DTNA: variants seen among roughly 807,000 people sequenced by gnomAD.
DTNA encodes the protein dystrophin-related protein 3.
In DTNA, 43 loss-of-function variants were observed where a neutral mutation model predicts 100.7. The observed-to-expected ratio is 0.43, with a 90% confidence interval of 0.33 to 0.55. DTNA has a LOEUF of 0.55. Among genes scored for constraint, DTNA ranks in the 20% least tolerant of loss-of-function variants. DTNA has a pLI of 0.04. For missense variants in DTNA, 798 were observed against 953.9 expected (o/e 0.84, Z 2.15); for synonymous variants, 349 against 347.9 (o/e 1.00, Z -0.04).
rs879310304 is a variant in DTNA, at chr18:34,714,266, A to C, written c.-2+3821A>C. ...TTAAACTAAAGAGCTTCTCCACAGC[A>C]AAAGAAACTACCATCAGAGTGAACA... On this transcript the variant is annotated intron_variant, in intron 1 of 22. Coordinates refer to ENST00000444659, the MANE Select transcript of DTNA (RefSeq NM_001386795.1). Among the ~76,000 whole-genome samples, 387 of 149,568 alleles carry C rather than the reference A, an allele frequency of 2.6e-3. 2 individuals carry two copies. Among genetic ancestry groups the C allele is most frequent in the Middle Eastern group, 6.9e-3 (2 of 288 alleles).
At chr18:34,640,075 T>C (rs1192061825) in intron 1 of DTNA, among the ~76,000 whole-genome samples, 2 of 152,248 alleles carry the variant, frequency 1.3e-5, no homozygotes, top group Non-Finnish European at 2.9e-5. Context: ...TTGATGCAAA[T>C]TTCTCCTGAT....
chr18:34,864,168 C>T (rs1388297401), intron 17 of DTNA, 106 bp downstream of exon 17: 1 of 985,434 alleles, frequency 1.0e-6, no homozygotes, highest in Non-Finnish European at 1.5e-6. Context: ...TGTGATTTCC[C>T]TCAACATGTT....
chr18:34,868,896 T>A, intron 17 of DTNA: 2 of 554,996 alleles, frequency 3.6e-6, no homozygotes, highest in Non-Finnish European at 4.6e-6. Context: ...ATAAAACGTT[T>A]AATAATGAAG....
At chr18:34,700,133 T>C (rs2081167542) in intron 1 of DTNA, among the ~76,000 whole-genome samples, 1 of 152,172 alleles carries the variant, frequency 6.6e-6, no homozygotes, top group Non-Finnish European at 1.5e-5. Context: ...CTAATTGGCT[T>C]TCCTTAGGTC....
chr18:34,598,217 C>CTTTTTTTTTTTTTT (rs71159880), intron 1 of DTNA, among the ~76,000 whole-genome samples: 1 of 137,984 alleles, frequency 7.2e-6, no homozygotes. Context: ...TTCTTTCTTT[C>CTTTTTTTTTTTTTT]TTTTTTTTTT....
intron 16 of DTNA, among the ~76,000 whole-genome samples, chr18:34,862,311 G>A (rs1376645337): frequency 1.3e-5 from 2 of 151,598 alleles, no homozygotes; most frequent in African/African-American, 4.8e-5. Flanking sequence ...CAGAAAAGAA[G>A]CAATTTTAAA....
chr18:34,616,361 G>A (rs1267556126), intron 1 of DTNA, among the ~76,000 whole-genome samples: 1 of 152,160 alleles, frequency 6.6e-6, no homozygotes, highest in Non-Finnish European at 1.5e-5. Context: ...TGACAAATGG[G>A]ATGTAGTTAA....
chr18:34,656,875 T>G (rs549481293), intron 1 of DTNA, among the ~76,000 whole-genome samples: 1 of 152,138 alleles, frequency 6.6e-6, no homozygotes, highest in African/African-American at 2.4e-5. Context: ...CATAGCCTTT[T>G]TTTGTTTGTT....
At chr18:34,613,814 G>C (rs2054698655) in intron 1 of DTNA, among the ~76,000 whole-genome samples, 1 of 152,220 alleles carries the variant, frequency 6.6e-6, no homozygotes. Context: ...GAAGTACCAA[G>C]TACTGATGTA....
At chr18:34,784,265 A>G (rs1054785052) in intron 3 of DTNA, among the ~76,000 whole-genome samples, 2 of 152,236 alleles carry the variant, frequency 1.3e-5, no homozygotes, top group Non-Finnish European at 2.9e-5. Flanking sequence ...AATAAAATAT[A>G]AAAACAAAGA....
At chr18:34,699,766 T>C (rs145253949) in intron 1 of DTNA, among the ~76,000 whole-genome samples, 21 of 152,328 alleles carry the variant, frequency 1.4e-4, no homozygotes, top group Admixed American at 2.6e-4. Flanking sequence ...AACTAATAAA[T>C]CTGTTGCATT....
chr18:34,800,908 A>C (rs1026390928), intron 4 of DTNA, among the ~76,000 whole-genome samples: 1 of 152,194 alleles, frequency 6.6e-6, no homozygotes, highest in African/African-American at 2.4e-5. Context: ...CCATATAAAT[A>C]ATATATTCTT....
At chr18:34,592,801 T>G (rs1002324522) in intron 1 of DTNA, among the ~76,000 whole-genome samples, 1 of 152,192 alleles carries the variant, frequency 6.6e-6, no homozygotes, top group Non-Finnish European at 1.5e-5. Flanking sequence ...CTACAGCCAT[T>G]GCCATCCTCT....
intron 1 of DTNA, among the ~76,000 whole-genome samples, chr18:34,698,734 G>T (rs1481829024): frequency 6.6e-6 from 1 of 152,138 alleles, no homozygotes; most frequent in Non-Finnish European, 1.5e-5. Context: ...CATCTAGCAT[G>T]GGAGAAAGAT....
At chr18:34,753,360 T>C (rs2092487516) in intron 1 of DTNA, among the ~76,000 whole-genome samples, 1 of 112,444 alleles carries the variant, frequency 8.9e-6, no homozygotes, top group African/African-American at 4.8e-5. Context: ...TTTATTTATT[T>C]ATTTTATTTT....
At chr18:34,720,415 G>A (rs2085038058) in intron 1 of DTNA, among the ~76,000 whole-genome samples, 1 of 152,208 alleles carries the variant, frequency 6.6e-6, no homozygotes, top group Non-Finnish European at 1.5e-5. Flanking sequence ...TGTTGTACTG[G>A]ATTTCCAGCA....
chr18:34,890,048 T>C lies in DTNA; in HGVS notation c.*2314T>C, dbSNP rs1285376095. ...GTAGTTCTTGAACTCAGAACTTAAA[T>C]CCTGCACGTGGCACTCCACCACTGA... is the stretch of plus-strand genomic sequence containing the variant. On this transcript the variant is annotated 3_prime_UTR_variant, in exon 23 of 23. Transcript: ENST00000444659. 1 of 1,314,826 alleles carries C rather than the reference T, an allele frequency of 7.6e-7. No homozygotes were observed. The highest frequency in any genetic ancestry group is 9.7e-7 in the Non-Finnish European group (1 of 1,032,362). The allele number at this position is 1,314,826 out of a possible 1,614,324, so 81.4% of individuals were successfully genotyped here.
chr18:34,855,774 G>A (rs1368042127), intron 15 of DTNA, among the ~76,000 whole-genome samples: 2 of 152,146 alleles, frequency 1.3e-5, no homozygotes, highest in African/African-American at 2.4e-5. Flanking sequence ...ACAAGCCCAC[G>A]AATATTTTAT....
At chr18:34,666,408 A>C (rs1372594919) in intron 1 of DTNA, among the ~76,000 whole-genome samples, 3 of 151,948 alleles carry the variant, frequency 2.0e-5, no homozygotes, top group Non-Finnish European at 4.4e-5. Context: ...TTTGCTGTGC[A>C]GAAGCTCTTT....
Sources: gnomAD v4.1 joint callset for allele counts (sites outside exome capture counted in the v4.1 genomes callset) on GRCh38, gnomAD v4.1.1 for gene constraint, MANE v1.5 for transcripts, NCBI Gene and HGNC (gene_info 2026-07-23, HGNC 2026-07-21) for gene names.